NELL1: variants seen among roughly 807,000 people sequenced by gnomAD.
NELL1 encodes neural EGFL like 1.
Under a neutral mutation model 107.4 loss-of-function variants are expected in NELL1, and 76 were observed. The ratio of observed to expected loss-of-function variants is 0.71; its 90% confidence interval spans 0.59 to 0.86. NELL1 has a LOEUF of 0.86. NELL1 is among the 40% of genes least tolerant of loss of function. The probability of loss-of-function intolerance (pLI) is 0.00; values close to 1 mark genes in which losing one functional copy is unlikely to be tolerated. For synonymous variants in NELL1, 353 were observed against 341.2 expected, an observed-to-expected ratio of 1.03 and a Z score of -0.38; for missense variants, 1,024 against 1,005.5, an observed-to-expected ratio of 1.02 and a Z score of -0.25.
intron 2 of NELL1, among the ~76,000 whole-genome samples, chr11:20,702,103 T>C (rs529972416): frequency 6.6e-6 from 1 of 152,298 alleles, no homozygotes; most frequent in South Asian, 2.1e-4. Flanking sequence ...CCTTGGGCAG[T>C]ATGGCCATTT....
chr11:20,736,161 G>A (rs957436861), intron 2 of NELL1, among the ~76,000 whole-genome samples: 1 of 152,138 alleles, frequency 6.6e-6, no homozygotes, highest in Admixed American at 6.6e-5. Flanking sequence ...GGGCAAGTGG[G>A]GGGTGAAGGT....
chr11:21,542,843 G>T (rs1856325008), intron 16 of NELL1, among the ~76,000 whole-genome samples: 1 of 151,916 alleles, frequency 6.6e-6, no homozygotes, highest in Non-Finnish European at 1.5e-5. Context: ...ACAAATATTT[G>T]AAAAATAAAG....
At chr11:21,220,072 G>T (rs191668752) in intron 13 of NELL1, among the ~76,000 whole-genome samples, 1 of 152,168 alleles carries the variant, frequency 6.6e-6, no homozygotes, top group African/African-American at 2.4e-5. Context: ...CTGTCCCCAT[G>T]ATTGAGTCAC....
chr11:20,952,525 G>GA (rs1305522833), intron 11 of NELL1, among the ~76,000 whole-genome samples: 1 of 152,154 alleles, frequency 6.6e-6, no homozygotes, highest in East Asian at 1.9e-4. Flanking sequence ...AGAGACCTGA[G>GA]AAAAAGGCAC....
chr11:20,845,015 C>T (rs1848679776), intron 3 of NELL1, among the ~76,000 whole-genome samples: 1 of 152,268 alleles, frequency 6.6e-6, no homozygotes, highest in Non-Finnish European at 1.5e-5. Flanking sequence ...TATTTTCCTC[C>T]TAGCCCTCAT....
At chr11:21,191,631 A>G (rs985223033) in intron 13 of NELL1, among the ~76,000 whole-genome samples, 1 of 151,920 alleles carries the variant, frequency 6.6e-6, no homozygotes, top group African/African-American at 2.4e-5. Context: ...ATTTTGTAAA[A>G]TAAGGATTAT....
chr11:21,127,093 T>C (rs909820622), intron 13 of NELL1, among the ~76,000 whole-genome samples: 5 of 152,106 alleles, frequency 3.3e-5, no homozygotes, highest in Admixed American at 2.0e-4. Context: ...AGGGTGGTCA[T>C]AGGACAAATT....
chr11:21,148,892 T>TG (rs1422338320), intron 13 of NELL1, among the ~76,000 whole-genome samples: 1 of 152,242 alleles, frequency 6.6e-6, no homozygotes, highest in Non-Finnish European at 1.5e-5. Context: ...ATTGTGGTCC[T>TG]GGAACATAAA....
chr11:21,174,001 C>A (rs1320768715), intron 13 of NELL1, among the ~76,000 whole-genome samples: 2 of 151,832 alleles, frequency 1.3e-5, no homozygotes, highest in East Asian at 3.9e-4. Flanking sequence ...ACAAACAATT[C>A]CAGTAGCAAC....
At chr11:20,742,458 A>C (rs1362368282) in intron 2 of NELL1, among the ~76,000 whole-genome samples, 1 of 152,164 alleles carries the variant, frequency 6.6e-6, no homozygotes, top group African/African-American at 2.4e-5. Context: ...CTCCATCTGT[A>C]GTAGTCTGTT....
At chr11:20,975,305 C>T (rs1042705780) in intron 12 of NELL1, among the ~76,000 whole-genome samples, 24 of 151,896 alleles carry the variant, frequency 1.6e-4, no homozygotes, top group Admixed American at 3.3e-4. Context: ...CATGAACCAC[C>T]GCACCCGGCT....
intron 13 of NELL1, among the ~76,000 whole-genome samples, chr11:21,126,157 T>C (rs1590660479): frequency 6.6e-6 from 1 of 152,250 alleles, no homozygotes; most frequent in East Asian, 1.9e-4. Flanking sequence ...TGTAACTCCA[T>C]AGGCTCAAAG....
intron 13 of NELL1, among the ~76,000 whole-genome samples, chr11:21,126,302 A>G (rs1208025508): frequency 6.6e-6 from 1 of 152,184 alleles, no homozygotes; most frequent in Non-Finnish European, 1.5e-5. Context: ...AGAAATCACC[A>G]CTGAAGAACC....
intron 5 of NELL1, among the ~76,000 whole-genome samples, chr11:20,898,587 T>C (rs947441248): frequency 6.6e-6 from 1 of 151,660 alleles, no homozygotes; most frequent in African/African-American, 2.4e-5. Context: ...AAAAGTGTTC[T>C]CTTTTCACCA....
chr11:20,688,092 T>C (rs1007420518), intron 2 of NELL1, among the ~76,000 whole-genome samples: 1 of 152,134 alleles, frequency 6.6e-6, no homozygotes, highest in Non-Finnish European at 1.5e-5. Flanking sequence ...TTATTTAGTA[T>C]ACTTTTAGTA....
intron 15 of NELL1, among the ~76,000 whole-genome samples, chr11:21,433,283 G>T (rs1853015032): frequency 6.6e-6 from 1 of 152,128 alleles, no homozygotes; most frequent in Non-Finnish European, 1.5e-5. Context: ...ATCTGCTGAT[G>T]GGCATGTGGG....
chr11:21,362,375 G>A (rs1178217111), intron 14 of NELL1, among the ~76,000 whole-genome samples: 3 of 152,184 alleles, frequency 2.0e-5, no homozygotes, highest in Non-Finnish European at 4.4e-5. Flanking sequence ...ATGGATACCA[G>A]CACCTACTCT....
intron 2 of NELL1, among the ~76,000 whole-genome samples, chr11:20,695,992 C>A (rs980350919): frequency 6.6e-6 from 1 of 151,948 alleles, no homozygotes; most frequent in African/African-American, 2.4e-5. Flanking sequence ...TCAATTCCTT[C>A]TTGGTTCAAT....
chr11:21,051,961 T>C (rs1183694915), intron 12 of NELL1, among the ~76,000 whole-genome samples: 1 of 151,796 alleles, frequency 6.6e-6, no homozygotes, highest in East Asian at 1.9e-4. Context: ...AGATGACAAG[T>C]GTGGATGAGA....
Sources: gnomAD v4.1 joint callset for allele counts (sites outside exome capture counted in the v4.1 genomes callset) on GRCh38, gnomAD v4.1.1 for gene constraint, MANE v1.5 for transcripts, NCBI Gene and HGNC (gene_info 2026-07-23, HGNC 2026-07-21) for gene names.